The following GPHN variants were observed in gnomAD, a reference collection of about 807,000 sequenced individuals.
GPHN encodes the protein gephyrin.
Under a neutral mutation model 95.5 loss-of-function variants are expected in GPHN, and 17 were observed. The observed-to-expected ratio is 0.18, with a 90% CI of 0.12 to 0.27. The LOEUF (loss-of-function observed/expected upper bound fraction) is 0.27. Among genes scored for constraint, GPHN ranks in the 10% least tolerant of loss-of-function variants. The probability of loss-of-function intolerance (pLI) is 1.00; values close to 1 mark genes in which losing one functional copy is unlikely to be tolerated. For synonymous variants in GPHN, 320 were observed against 322.5 expected, an observed-to-expected ratio of 0.99 and a Z score of 0.08; for missense variants, 660 against 978.1, an observed-to-expected ratio of 0.67 and a Z score of 4.34.
chr14:66,760,106 A>G (rs910249988), intron 2 of GPHN, among the ~76,000 whole-genome samples: 1 of 152,142 alleles, frequency 6.6e-6, no homozygotes, highest in African/African-American at 2.4e-5. Flanking sequence ...GAAATTTTCT[A>G]CTTATTCATT....
the GPHN span, chr14:67,562,910 C>T: frequency 1.5e-3 from 2,458 of 1,606,888 alleles, 39 homozygotes; most frequent in African/African-American, 0.029. Flanking sequence ...AGGCAACCTC[C>T]GGGCTGGGCA....
At chr14:66,584,948 G>A (rs928000937) in intron 1 of GPHN, among the ~76,000 whole-genome samples, 3 of 152,148 alleles carry the variant, frequency 2.0e-5, no homozygotes, top group Admixed American at 6.5e-5. Context: ...GATTGGAATA[G>A]TTTCAGAAGG....
intron 21 of GPHN, among the ~76,000 whole-genome samples, chr14:67,174,837 T>A (rs984532762): frequency 6.6e-6 from 1 of 152,260 alleles, no homozygotes; most frequent in African/African-American, 2.4e-5. Flanking sequence ...CCAGTCATGG[T>A]GAGCATTTTT....
At chr14:67,163,709 AG>A (rs1284792179) in intron 19 of GPHN, among the ~76,000 whole-genome samples, 1 of 152,212 alleles carries the variant, frequency 6.6e-6, no homozygotes, top group East Asian at 1.9e-4. Context: ...CTCCAAAAAG[AG>A]TAAAAATAAA....
At chr14:67,733,919 A>G in the GPHN span, 2 of 1,151,130 alleles carry the variant, frequency 1.7e-6, no homozygotes, top group Admixed American at 3.6e-5. Context: ...GAGAAGGCCA[A>G]CCCTAAAGGA....
At chr14:67,374,707 CTG>C in the GPHN span, 2 of 444,398 alleles carry the variant, frequency 4.5e-6, no homozygotes, top group Non-Finnish European at 7.9e-6. Context: ...GTTAAATTAA[CTG>C]TGGGTGACTT....
chr14:67,350,547 A>T, the GPHN span: 4 of 1,400,758 alleles, frequency 2.9e-6, no homozygotes, highest in African/African-American at 5.8e-5. Flanking sequence ...AATGCTTTTT[A>T]AATGAAATTA....
intron 2 of GPHN, among the ~76,000 whole-genome samples, chr14:66,772,139 C>T (rs2059202326): frequency 6.6e-6 from 1 of 151,588 alleles, no homozygotes; most frequent in South Asian, 2.1e-4. Context: ...ACAGATAACC[C>T]TGTGTTGACC....
the GPHN span, among the ~76,000 whole-genome samples, chr14:67,243,173 A>G: frequency 1.3e-5 from 2 of 152,050 alleles, no homozygotes; most frequent in African/African-American, 2.4e-5. Context: ...ATGTGCTTAT[A>G]TAGAATATAA....
At chr14:67,237,421 A>G in the GPHN span, among the ~76,000 whole-genome samples, 705 of 152,266 alleles carry the variant, frequency 4.6e-3, 4 homozygotes, top group African/African-American at 0.016. Context: ...ATAAATCTTG[A>G]AAACAAAAAT....
In GPHN at chr14:66,924,351, T is replaced by A; in HGVS notation, c.828+59T>A. On this transcript the variant is annotated intron_variant, in intron 8 of 22. Transcript: ENST00000478722. The stretch of plus-strand genomic sequence containing the variant: ...CAAATATGTATTCTACTTCCTCTCC[T>A]TGGAGATAGGCTGTAACATATGGAA... 12 of 905,218 alleles carry A rather than the reference T, an allele frequency of 1.3e-5. No individual in the cohort carries two copies. The South Asian group carries it at 1.5e-4, about 11-fold the overall frequency. The allele number at this position is 905,218 out of a possible 1,614,324, so 56.1% of individuals were successfully genotyped here. A position where few individuals can be genotyped will look rare whatever the true frequency, so the allele number is the denominator to read the frequency against.
In GPHN at chr14:67,108,458, G is replaced by A. The variant is rs539036401; in HGVS notation, c.1294-1682G>A. 1.8e-4 allele frequency among the ~76,000 whole-genome samples: 28 copies of A among 152,308 alleles called. No individual in the cohort carries two copies. In the South Asian group the frequency reaches 5.8e-3, roughly 32 times the overall value. Reference sequence around the variant, plus strand: ...ACAGCACAGAGTAGAGAATGATGATGTGATCTGGAGAGGCAAACAGAAAAT... The same window carrying A: ...ACAGCACAGAGTAGAGAATGATGATATGATCTGGAGAGGCAAACAGAAAAT... On this transcript the variant is annotated intron_variant, in intron 13 of 22. Coordinates refer to ENST00000478722, the MANE Select transcript of GPHN (RefSeq NM_020806.5).
chr14:67,333,089 C>A, the GPHN span: 2 of 737,376 alleles, frequency 2.7e-6, no homozygotes, highest in Non-Finnish European at 2.1e-6. Flanking sequence ...GTTCTTAGAT[C>A]TCTTGAATTA....
chr14:67,486,819 C>T, the GPHN span, among the ~76,000 whole-genome samples: 4 of 152,266 alleles, frequency 2.6e-5, no homozygotes, highest in African/African-American at 7.2e-5. Flanking sequence ...GGCCATAAGA[C>T]GGCTCCCGCA....
the GPHN span, among the ~76,000 whole-genome samples, chr14:67,469,328 A>G: frequency 0.48 from 73,526 of 151,794 alleles, 18,867 homozygotes; most frequent in African/African-American, 0.65. Context: ...GTCACCCAGA[A>G]TACAGTGGTG....
At chr14:66,555,874 A>G (rs2059988641) in intron 1 of GPHN, among the ~76,000 whole-genome samples, 2 of 152,058 alleles carry the variant, frequency 1.3e-5, no homozygotes. Flanking sequence ...TATGTGTTTC[A>G]TGTGCAGTCT....
intron 5 of GPHN, among the ~76,000 whole-genome samples, chr14:66,886,543 G>GA (rs922800667): frequency 1.2e-4 from 17 of 138,044 alleles, no homozygotes; most frequent in Non-Finnish European, 1.6e-4. Flanking sequence ...AAATAAAGAA[G>GA]AAAAAAAAAA....
chr14:66,621,038 C>T (rs1006101815), intron 1 of GPHN, among the ~76,000 whole-genome samples: 20 of 152,028 alleles, frequency 1.3e-4, no homozygotes, highest in Non-Finnish European at 1.2e-4. Flanking sequence ...GATCTTGGCT[C>T]ACTGCAAGCT....
At chr14:66,960,265 A>C (rs551460204) in intron 8 of GPHN, among the ~76,000 whole-genome samples, 19 of 136,498 alleles carry the variant, frequency 1.4e-4, no homozygotes, top group Non-Finnish European at 2.9e-4. Context: ...GTTTCCGTTC[A>C]TTTCTTTTTT....
Sources: allele counts gnomAD v4.1 joint callset (sites outside exome capture counted in the v4.1 genomes callset), GRCh38; gene constraint gnomAD v4.1.1; transcripts MANE v1.5; gene names NCBI Gene and HGNC (gene_info 2026-07-23, HGNC 2026-07-21).